The following PRKCA variants were observed in gnomAD, a reference collection of about 807,000 sequenced individuals.
PRKCA encodes protein kinase C alpha.
Under a neutral mutation model 87.0 loss-of-function variants are expected in PRKCA, and 27 were observed. The ratio of observed to expected loss-of-function variants is 0.31; its 90% CI spans 0.23 to 0.43. The LOEUF (loss-of-function observed/expected upper bound fraction) is 0.43, where lower values mean the gene tolerates loss of function less well. Ranked by LOEUF, PRKCA falls within the 20% of genes least tolerant of loss-of-function variation. PRKCA has a pLI of 1.00. For missense variants in PRKCA, 518 were observed against 852.3 expected (o/e 0.61, Z 4.88); for synonymous variants, 329 against 311.1 (o/e 1.06, Z -0.61).
At chr17:66,639,869 C>CTT (rs1000949933) in intron 3 of PRKCA, among the ~76,000 whole-genome samples, 2 of 152,062 alleles carry the variant, frequency 1.3e-5, no homozygotes, top group Non-Finnish European at 2.9e-5. Context: ...GTGGCAGGCA[C>CTT]TTGTAATCCC....
chr17:66,487,024 A>ATC (rs1204782260), intron 2 of PRKCA, among the ~76,000 whole-genome samples: 4 of 152,198 alleles, frequency 2.6e-5, no homozygotes, highest in African/African-American at 9.6e-5. Context: ...TCAAACATTT[A>ATC]TCTTTTGTGT....
intron 3 of PRKCA, among the ~76,000 whole-genome samples, chr17:66,632,865 C>T (rs1219868399): frequency 6.6e-6 from 1 of 152,106 alleles, no homozygotes; most frequent in Admixed American, 6.5e-5. Flanking sequence ...TATTGCTTCC[C>T]ATTGAATGAT....
intron 2 of PRKCA, among the ~76,000 whole-genome samples, chr17:66,490,642 G>A (rs1210232468): frequency 6.6e-6 from 1 of 151,422 alleles, no homozygotes; most frequent in Non-Finnish European, 1.5e-5. Flanking sequence ...GTGCAGTGGT[G>A]TGATCTCAGC....
At chr17:66,474,764 G>A (rs959805571) in intron 2 of PRKCA, among the ~76,000 whole-genome samples, 1 of 152,152 alleles carries the variant, frequency 6.6e-6, no homozygotes, top group Non-Finnish European at 1.5e-5. Flanking sequence ...GTTGAATTCG[G>A]TAGTTTTAGG....
At chr17:66,668,172 G>A (rs151222378) in intron 5 of PRKCA, among the ~76,000 whole-genome samples, 2 of 152,184 alleles carry the variant, frequency 1.3e-5, no homozygotes, top group African/African-American at 4.8e-5. Context: ...AACCTGGGAG[G>A]CACTCCTTTG....
chr17:66,730,073 G>A (rs1446716049), intron 8 of PRKCA, among the ~76,000 whole-genome samples: 2 of 152,154 alleles, frequency 1.3e-5, no homozygotes, highest in African/African-American at 4.8e-5. Context: ...TTACAGGTGT[G>A]AACCACCATG....
At chr17:66,591,465 G>T (rs757834508) in intron 3 of PRKCA, among the ~76,000 whole-genome samples, 1 of 152,000 alleles carries the variant, frequency 6.6e-6, no homozygotes, top group African/African-American at 2.4e-5. Flanking sequence ...GGCCATATTT[G>T]CAGCTTGTTA....
chr17:66,645,236 T>C, intron 4 of PRKCA, 147 bp from the exon 5 acceptor site: 1 of 1,048,600 alleles, frequency 9.5e-7, no homozygotes, highest in Non-Finnish European at 1.4e-6. Flanking sequence ...GGACATCTGC[T>C]AACAGTTCTT....
At chr17:66,564,854 C>G (rs796455762) in intron 3 of PRKCA, among the ~76,000 whole-genome samples, 12 of 152,240 alleles carry the variant, frequency 7.9e-5, no homozygotes, top group African/African-American at 2.4e-4. Flanking sequence ...GTGGCAGGCA[C>G]CTGTAGTCCC....
chr17:66,460,985 C>T (rs557474462), intron 2 of PRKCA, among the ~76,000 whole-genome samples: 3 of 151,992 alleles, frequency 2.0e-5, no homozygotes, highest in Non-Finnish European at 4.4e-5. Flanking sequence ...GCGGGTGGAT[C>T]ATTTGAGCCC....
At chr17:66,439,744 A>G (rs143627530) in intron 2 of PRKCA, among the ~76,000 whole-genome samples, 2 of 152,278 alleles carry the variant, frequency 1.3e-5, no homozygotes, top group East Asian at 1.9e-4. Context: ...GTCATGGCGC[A>G]TGGTCTTTTG....
intron 13 of PRKCA, among the ~76,000 whole-genome samples, chr17:66,771,913 T>A (rs933447888): frequency 3.9e-5 from 6 of 152,206 alleles, no homozygotes; most frequent in Admixed American, 3.3e-4. Context: ...TTTCTTTAGC[T>A]TTTCATTTTC....
At chr17:66,351,748 T>TG (rs1567785285) in intron 2 of PRKCA, among the ~76,000 whole-genome samples, 1 of 152,064 alleles carries the variant, frequency 6.6e-6, no homozygotes, top group Non-Finnish European at 1.5e-5. Context: ...AAAAGTAGAA[T>TG]TTGTATAAGG....
rs1975727297 is a variant in PRKCA at position 66,798,407 on chromosome 17, A to ATGGTGGTGGTGGTGG, written c.1855-5461_1855-5460insGTGGTGGTGGTGGTG. On this transcript the variant is annotated intron_variant, in intron 16 of 16. Coordinates refer to ENST00000413366, the MANE Select transcript of PRKCA (RefSeq NM_002737.3). ...GGTGGTGGTGGTGGTGGTGGTGGTG[A>ATGGTGGTGGTGGTGG]TGGTGATGGTGGTGGTGGTGGTGGT... 2.1e-3 allele frequency among the ~76,000 whole-genome samples: 98 copies of ATGGTGGTGGTGGTGG among 47,546 alleles called. 6 individuals are homozygous for ATGGTGGTGGTGGTGG. Among genetic ancestry groups the ATGGTGGTGGTGGTGG allele is most frequent in the African/African-American group, 5.8e-3 (56 of 9,584 alleles). 31.2% of individuals were successfully genotyped at this position (47,546 alleles called of 152,430 possible).
intron 2 of PRKCA, among the ~76,000 whole-genome samples, chr17:66,470,223 G>A (rs1915263282): frequency 7.9e-6 from 1 of 126,066 alleles, no homozygotes; most frequent in African/African-American, 3.1e-5. Context: ...AAAAGACAGA[G>A]TTTTGCTCTT....
rs1385198703 is a variant in PRKCA, at chr17:66,804,502, G to A, written c.*465G>A. 1 of 154,046 alleles carries A rather than the reference G, an allele frequency of 6.5e-6. No individual in the cohort carries two copies. The highest frequency in any genetic ancestry group is 1.4e-5 in the Non-Finnish European group (1 of 69,250). The allele number at this position is 154,046 out of a possible 1,614,324, so 9.5% of individuals were successfully genotyped here. On this transcript the variant is annotated 3_prime_UTR_variant, in exon 17 of 17. Transcript: ENST00000413366. Reference sequence around the variant, plus strand: ...CCAAGAGAGTGAGCAGGGAGGGATTGGGGGTGGGGGAGGCCTCAAAATACC... The same window carrying A: ...CCAAGAGAGTGAGCAGGGAGGGATTAGGGGTGGGGGAGGCCTCAAAATACC...
chr17:66,408,340 T>G (rs530203775), intron 2 of PRKCA, among the ~76,000 whole-genome samples: 1 of 152,360 alleles, frequency 6.6e-6, no homozygotes, highest in South Asian at 2.1e-4. Context: ...TTAGTACCTT[T>G]GTAATGGTAT....
At chr17:66,661,601 C>T (rs966842128) in intron 5 of PRKCA, among the ~76,000 whole-genome samples, 3 of 152,216 alleles carry the variant, frequency 2.0e-5, no homozygotes, top group Admixed American at 6.5e-5. Context: ...TCTCCAAAAA[C>T]AGCCAAGGGT....
At chr17:66,466,566 C>T (rs1915096771) in intron 2 of PRKCA, among the ~76,000 whole-genome samples, 1 of 152,132 alleles carries the variant, frequency 6.6e-6, no homozygotes, top group African/African-American at 2.4e-5. Flanking sequence ...TGGCAAAATA[C>T]CATTTAACAT....
Sources: gnomAD v4.1 joint callset for allele counts (sites outside exome capture counted in the v4.1 genomes callset) on GRCh38, gnomAD v4.1.1 for gene constraint, MANE v1.5 for transcripts, NCBI Gene and HGNC (gene_info 2026-07-23, HGNC 2026-07-21) for gene names.